DYM: variants seen among roughly 807,000 people sequenced by gnomAD.
The protein encoded by DYM is dyggve-Melchior-Clausen syndrome protein.
DYM carries 78 observed loss-of-function variants against 93.1 expected under a neutral mutation model. The observed-to-expected ratio is 0.84, with a 90% confidence interval of 0.70 to 1.01. The LOEUF (loss-of-function observed/expected upper bound fraction) is 1.01. DYM is among the 50% of genes least tolerant of loss of function. DYM has a pLI of 0.00. For missense variants in DYM, 789 were observed against 845.0 expected (o/e 0.93, Z 0.82); for synonymous variants, 321 against 319.7 (o/e 1.00, Z -0.04).
intron 15 of DYM, among the ~76,000 whole-genome samples, chr18:49,134,581 A>C (rs1444946005): frequency 6.6e-6 from 1 of 152,174 alleles, no homozygotes; most frequent in Non-Finnish European, 1.5e-5. Context: ...AGTTTAACAA[A>C]ATTTGACAAA....
chr18:49,057,142 A>G (rs1248245887), intron 17 of DYM, among the ~76,000 whole-genome samples: 17 of 152,256 alleles, frequency 1.1e-4, no homozygotes, highest in Admixed American at 1.1e-3. Context: ...CTGCACTGGT[A>G]TAAATCCATG....
chr18:49,448,813 C>A (rs936508240), intron 1 of DYM, among the ~76,000 whole-genome samples: 2 of 152,248 alleles, frequency 1.3e-5, no homozygotes, highest in African/African-American at 4.8e-5. Flanking sequence ...CTTTAAAAAG[C>A]AGCTCATTTT....
intron 14 of DYM, among the ~76,000 whole-genome samples, chr18:49,195,182 C>G (rs1319237924): frequency 3.3e-5 from 5 of 152,072 alleles, no homozygotes; most frequent in African/African-American, 1.2e-4. Flanking sequence ...ACACTTTATT[C>G]TTACCTAACA....
At chr18:49,105,994 T>A (rs563851940) in intron 16 of DYM, among the ~76,000 whole-genome samples, 35 of 152,336 alleles carry the variant, frequency 2.3e-4, no homozygotes, top group Admixed American at 3.9e-4. Context: ...ATCTGTCTAA[T>A]GTTGACAGTG....
chr18:49,243,588 C>T (rs887730736), intron 13 of DYM, among the ~76,000 whole-genome samples: 1 of 148,490 alleles, frequency 6.7e-6, no homozygotes, highest in African/African-American at 2.5e-5. Flanking sequence ...CTGCTTGAAC[C>T]TGGGAGGTGG....
intron 15 of DYM, among the ~76,000 whole-genome samples, chr18:49,147,418 A>T (rs1305240419): frequency 6.6e-6 from 1 of 152,290 alleles, no homozygotes. Flanking sequence ...CAACCTAGAG[A>T]ATGGGAGAAA....
chr18:49,063,103 T>G (rs1022748800), intron 17 of DYM, among the ~76,000 whole-genome samples: 2 of 152,152 alleles, frequency 1.3e-5, no homozygotes, highest in African/African-American at 4.8e-5. Flanking sequence ...CACCTATTTT[T>G]AGGACAAAGG....
intron 10 of DYM, among the ~76,000 whole-genome samples, chr18:49,275,448 T>C (rs1056767440): frequency 1.3e-5 from 2 of 152,206 alleles, no homozygotes; most frequent in Admixed American, 1.3e-4. Context: ...TGGCTATTCT[T>C]GGACCTTTGT....
intron 2 of DYM, among the ~76,000 whole-genome samples, chr18:49,412,100 T>C (rs552807332): frequency 2.6e-5 from 4 of 152,246 alleles, no homozygotes; most frequent in Admixed American, 1.3e-4. Flanking sequence ...TTCATGTGAT[T>C]CACAGACAAT....
At chr18:49,228,750 T>C (rs1039059632) in intron 13 of DYM, among the ~76,000 whole-genome samples, 2 of 152,096 alleles carry the variant, frequency 1.3e-5, no homozygotes, top group African/African-American at 4.8e-5. Flanking sequence ...CTGTTGGATA[T>C]AGGAAATGGG....
At position 49,296,973 on chromosome 18, in the gene DYM, G is replaced by A. The variant is rs1009900906; in HGVS notation, c.764-10357C>T. The stretch of plus-strand genomic sequence containing the variant: ...TCTTTTTCACATTCTATAAATCTTG[G>A]AGGGCTCCAACTTATAAACTTAATT... On this transcript the variant is annotated intron_variant, in intron 8 of 17. Coordinates refer to ENST00000675505, the MANE Select transcript of DYM (RefSeq NM_001353214.3). 3.3e-5 allele frequency among the ~76,000 whole-genome samples: 5 copies of A among 152,218 alleles called. No individual in the cohort carries two copies. The South Asian group carries it at 6.2e-4, about 19-fold the overall frequency.
intron 16 of DYM, among the ~76,000 whole-genome samples, chr18:49,111,075 T>C (rs1403069564): frequency 6.6e-6 from 1 of 152,212 alleles, no homozygotes; most frequent in African/African-American, 2.4e-5. Context: ...GAACTGTTTA[T>C]ATATGTTGTC....
At chr18:49,421,221 G>A (rs1300837481) in intron 2 of DYM, among the ~76,000 whole-genome samples, 1 of 152,120 alleles carries the variant, frequency 6.6e-6, no homozygotes, top group Non-Finnish European at 1.5e-5. Context: ...CCTGACCCCT[G>A]AGTAGCCTAA....
At chr18:49,402,370 T>C (rs2070955305) in intron 2 of DYM, among the ~76,000 whole-genome samples, 1 of 152,140 alleles carries the variant, frequency 6.6e-6, no homozygotes, top group Non-Finnish European at 1.5e-5. Context: ...TCAGGGCATA[T>C]AATGGTTAAA....
chr18:49,113,127 A>G (rs1244134006), intron 16 of DYM, among the ~76,000 whole-genome samples: 1 of 152,192 alleles, frequency 6.6e-6, no homozygotes, highest in Non-Finnish European at 1.5e-5. Context: ...CTTGTTTAAC[A>G]ATTGTGGGAC....
chr18:49,201,471 G>C (rs145999430), intron 14 of DYM, among the ~76,000 whole-genome samples: 1 of 152,042 alleles, frequency 6.6e-6, no homozygotes, highest in East Asian at 1.9e-4. Flanking sequence ...AGCATGCTTC[G>C]ACCACATCAG....
At chr18:49,417,588 T>C (rs1221267236) in intron 2 of DYM, among the ~76,000 whole-genome samples, 5 of 152,024 alleles carry the variant, frequency 3.3e-5, no homozygotes, top group Non-Finnish European at 5.9e-5. Flanking sequence ...AGTTAATATA[T>C]AGAAGGCTCT....
At chr18:49,205,428 T>G (rs1304535863) in intron 14 of DYM, among the ~76,000 whole-genome samples, 1 of 152,060 alleles carries the variant, frequency 6.6e-6, no homozygotes, top group Non-Finnish European at 1.5e-5. Context: ...TTAGGACAAA[T>G]TAAGAGTATA....
At chr18:49,100,983 T>C (rs1163726454) in intron 16 of DYM, among the ~76,000 whole-genome samples, 4 of 152,224 alleles carry the variant, frequency 2.6e-5, no homozygotes, top group Non-Finnish European at 5.9e-5. Context: ...CTTTCAGATG[T>C]TGTCTGACTG....
Sources: allele counts gnomAD v4.1 joint callset (sites outside exome capture counted in the v4.1 genomes callset), GRCh38; gene constraint gnomAD v4.1.1; transcripts MANE v1.5; gene names NCBI Gene and HGNC (gene_info 2026-07-23, HGNC 2026-07-21).